Variants in SCFD2 observed in about 807,000 individuals in gnomAD.
SCFD2 encodes the protein sec1 family domain-containing protein 2.
In SCFD2, 54 loss-of-function variants were observed where a neutral mutation model predicts 58.9. The ratio of observed to expected loss-of-function variants is 0.92; its 90% CI spans 0.74 to 1.15. The LOEUF (loss-of-function observed/expected upper bound fraction) is 1.15, where lower values mean the gene tolerates loss of function less well. Among genes scored for constraint, SCFD2 ranks in the 50% most tolerant of loss-of-function variants. The pLI is 0.00. For missense variants in SCFD2, 805 were observed against 836.6 expected (o/e 0.96, Z 0.47); for synonymous variants, 321 against 335.9 (o/e 0.96, Z 0.49).
At chr4:52,953,727 C>T (rs552355670) in intron 5 of SCFD2, among the ~76,000 whole-genome samples, 1 of 152,254 alleles carries the variant, frequency 6.6e-6, no homozygotes, top group South Asian at 2.1e-4. Flanking sequence ...AAGATAATTA[C>T]CAAGGGACTT....
intron 2 of SCFD2, among the ~76,000 whole-genome samples, chr4:53,331,891 G>A (rs1450433979): frequency 1.3e-4 from 19 of 151,938 alleles, no homozygotes; most frequent in Non-Finnish European, 2.1e-4. Context: ...TCAAATAGAG[G>A]CAATAAAAAA....
At chr4:53,243,889 T>C (rs1237269634) in intron 4 of SCFD2, among the ~76,000 whole-genome samples, 1 of 152,166 alleles carries the variant, frequency 6.6e-6, no homozygotes, top group Non-Finnish European at 1.5e-5. Flanking sequence ...TTGTTTTTGG[T>C]ATTTTCTGTT....
At chr4:53,305,917 T>C (rs575221762) in intron 3 of SCFD2, among the ~76,000 whole-genome samples, 1 of 152,346 alleles carries the variant, frequency 6.6e-6, no homozygotes, top group Admixed American at 6.5e-5. Flanking sequence ...AATAAATATG[T>C]AACAAATACC....
At chr4:53,040,809 T>C (rs1190696056) in intron 5 of SCFD2, among the ~76,000 whole-genome samples, 1 of 152,108 alleles carries the variant, frequency 6.6e-6, no homozygotes, top group Non-Finnish European at 1.5e-5. Context: ...TACTGAAAAA[T>C]TTGTGAAAGA....
intron 4 of SCFD2, among the ~76,000 whole-genome samples, chr4:53,204,321 T>C (rs780623960): frequency 6.6e-6 from 1 of 151,746 alleles, no homozygotes; most frequent in Non-Finnish European, 1.5e-5. Context: ...GAAAAGGAAA[T>C]GTCCAAAAAA....
At chr4:52,892,074 G>A (rs569944565) in intron 7 of SCFD2, among the ~76,000 whole-genome samples, 1 of 152,350 alleles carries the variant, frequency 6.6e-6, no homozygotes, top group South Asian at 2.1e-4. Context: ...GAGCTATAAG[G>A]CTGTCTCTCA....
intron 5 of SCFD2, among the ~76,000 whole-genome samples, chr4:52,974,751 A>G (rs1336578758): frequency 4.0e-5 from 6 of 151,600 alleles, no homozygotes; most frequent in Non-Finnish European, 8.8e-5. Context: ...GAGGCATCAC[A>G]CTACCTGACT....
chr4:53,230,549 A>C (rs531233761), intron 4 of SCFD2, among the ~76,000 whole-genome samples: 2 of 147,326 alleles, frequency 1.4e-5, no homozygotes, highest in Non-Finnish European at 3.0e-5. Context: ...GCATGTTCTC[A>C]CTCATAGGTG....
intron 5 of SCFD2, among the ~76,000 whole-genome samples, chr4:53,058,910 G>T (rs1723425830): frequency 6.6e-6 from 1 of 152,140 alleles, no homozygotes; most frequent in African/African-American, 2.4e-5. Flanking sequence ...CCTTTTGGAA[G>T]ATGGAAAGCA....
intron 3 of SCFD2, among the ~76,000 whole-genome samples, chr4:53,304,715 G>A (rs192958751): frequency 9.9e-5 from 15 of 151,758 alleles, no homozygotes; most frequent in Non-Finnish European, 1.8e-4. Context: ...ATTCTAGTTC[G>A]CTATTCGTCT....
intron 4 of SCFD2, among the ~76,000 whole-genome samples, chr4:53,167,687 C>A (rs1727050131): frequency 1.3e-5 from 2 of 152,118 alleles, no homozygotes; most frequent in East Asian, 3.9e-4. Flanking sequence ...TACATGAGAA[C>A]CTAGGATAAA....
At chr4:53,099,418 A>G (rs993207172) in intron 5 of SCFD2, among the ~76,000 whole-genome samples, 2 of 152,184 alleles carry the variant, frequency 1.3e-5, no homozygotes, top group Non-Finnish European at 1.5e-5. Context: ...TTTTGAGGGC[A>G]TCTTAGCCTA....
chr4:53,192,234 T>C (rs561857214), intron 4 of SCFD2, among the ~76,000 whole-genome samples: 20 of 152,262 alleles, frequency 1.3e-4, no homozygotes, highest in African/African-American at 2.6e-4. Context: ...CGACTCCCTA[T>C]TGTCTTACAT....
intron 5 of SCFD2, among the ~76,000 whole-genome samples, chr4:53,075,992 G>A (rs889547007): frequency 2.0e-5 from 3 of 152,164 alleles, no homozygotes; most frequent in Admixed American, 2.0e-4. Context: ...TATGTGCACA[G>A]TGCAATAAAG....
chr4:53,108,697 A>G (rs907928067), intron 5 of SCFD2, among the ~76,000 whole-genome samples: 1 of 152,192 alleles, frequency 6.6e-6, no homozygotes, highest in Non-Finnish European at 1.5e-5. Flanking sequence ...TAGACCAATA[A>G]CAAGTTCTGA....
intron 5 of SCFD2, among the ~76,000 whole-genome samples, chr4:52,931,866 C>G (rs1720004217): frequency 6.6e-6 from 1 of 152,148 alleles, no homozygotes; most frequent in Non-Finnish European, 1.5e-5. Context: ...AGTCCCGTAC[C>G]TTCTTATCCT....
chr4:53,140,410 T>TATATATATATATATATATAA (rs1560353881), intron 5 of SCFD2, among the ~76,000 whole-genome samples: 9 of 142,776 alleles, frequency 6.3e-5, no homozygotes, highest in African/African-American at 2.4e-4. Flanking sequence ...TATATATATA[T>TATATATATATATATATATAA]ATAAATTTTA....
chr4:52,973,056 G>C (rs905751584), intron 5 of SCFD2, among the ~76,000 whole-genome samples: 4 of 152,136 alleles, frequency 2.6e-5, no homozygotes, highest in Admixed American at 1.3e-4. Flanking sequence ...ATGCCCACAA[G>C]AGAAAACAGG....
At chr4:53,227,849 T>C (rs1729274031) in intron 4 of SCFD2, among the ~76,000 whole-genome samples, 1 of 152,244 alleles carries the variant, frequency 6.6e-6, no homozygotes, top group African/African-American at 2.4e-5. Context: ...TATGTACAGA[T>C]GATTTGCTTA....
Sources: allele counts gnomAD v4.1 joint callset (sites outside exome capture counted in the v4.1 genomes callset), GRCh38; gene constraint gnomAD v4.1.1; transcripts MANE v1.5; gene names NCBI Gene and HGNC (gene_info 2026-07-23, HGNC 2026-07-21).